LRRC38: variants seen among roughly 807,000 people sequenced by gnomAD.
LRRC38 encodes the protein leucine rich repeat containing 38.
Under a neutral mutation model 16.4 loss-of-function variants are expected in LRRC38, and 5 were observed. The observed-to-expected ratio is 0.31, with a 90% CI of 0.16 to 0.64. The LOEUF (loss-of-function observed/expected upper bound fraction) is 0.64, where lower values mean the gene tolerates loss of function less well. Among genes scored for constraint, LRRC38 ranks in the 30% least tolerant of loss-of-function variants. The probability of loss-of-function intolerance (pLI) is 0.80; values close to 1 mark genes in which losing one functional copy is unlikely to be tolerated. For synonymous variants in LRRC38, 191 were observed against 190.2 expected (o/e 1.00, Z -0.04); for missense variants, 341 against 401.8 (o/e 0.85, Z 1.29).
Position 13,513,682 on chromosome 1 carries a change from C to A in LRRC38, c.-89G>T, listed in dbSNP as rs1164981774. ...GGACGGCGCGGTGAGGCACTGGCTG[C>A]CGGGCGCGGGGAGCCAGAGGGCGGC... On this transcript the variant is annotated 5_prime_UTR_variant, in exon 1 of 2. Transcript: ENST00000376085. The A allele has an allele frequency of 1.1e-6, 1 of 924,946 alleles. No individual in the cohort carries two copies. The highest frequency in any genetic ancestry group is 1.3e-6 in the Non-Finnish European group (1 of 769,254). The allele number at this position is 924,946 out of a possible 1,614,324, so 57.3% of individuals were successfully genotyped here.
chr1:13,496,628 C>T (rs1265545147), intron 1 of LRRC38, among the ~76,000 whole-genome samples: 1 of 152,160 alleles, frequency 6.6e-6, no homozygotes, highest in Non-Finnish European at 1.5e-5. Context: ...CAGCATCCAC[C>T]CACCGAGTCA....
At chr1:13,511,292 A>G (rs1313849772) in intron 1 of LRRC38, among the ~76,000 whole-genome samples, 1 of 152,158 alleles carries the variant, frequency 6.6e-6, no homozygotes, top group Non-Finnish European at 1.5e-5. Context: ...CACTCAAGGG[A>G]AAGGTGAAGC....
chr1:13,505,252 G>A (rs893782073), intron 1 of LRRC38, among the ~76,000 whole-genome samples: 6 of 152,244 alleles, frequency 3.9e-5, no homozygotes, highest in Non-Finnish European at 5.9e-5. Flanking sequence ...CACCACTCCC[G>A]CAGCTGGGGG....
At chr1:13,505,051 T>C (rs561280981) in intron 1 of LRRC38, among the ~76,000 whole-genome samples, 16 of 152,288 alleles carry the variant, frequency 1.1e-4, no homozygotes, top group African/African-American at 3.1e-4. Flanking sequence ...GTAACCCTCC[T>C]ATTTGCTTAC....
chr1:13,483,700 C>A (rs2100493683), intron 1 of LRRC38, among the ~76,000 whole-genome samples: 1 of 152,296 alleles, frequency 6.6e-6, no homozygotes, highest in East Asian at 1.9e-4. Flanking sequence ...TGGGCCAGGC[C>A]CAGCCACCTT....
chr1:13,489,666 A>G (rs1270021665), intron 1 of LRRC38, among the ~76,000 whole-genome samples: 1 of 152,114 alleles, frequency 6.6e-6, no homozygotes, highest in Admixed American at 6.6e-5. Flanking sequence ...GAGGCAGCCG[A>G]GAAGGGACTG....
intron 1 of LRRC38, among the ~76,000 whole-genome samples, chr1:13,507,993 T>C (rs1320955968): frequency 6.6e-6 from 1 of 152,144 alleles, no homozygotes; most frequent in Non-Finnish European, 1.5e-5. Context: ...CCAGCACACT[T>C]TGGGAGGCCA....
At chr1:13,485,393 C>T (rs571044450) in intron 1 of LRRC38, among the ~76,000 whole-genome samples, 122 of 151,482 alleles carry the variant, frequency 8.1e-4, no homozygotes, top group African/African-American at 2.6e-3. Flanking sequence ...CTGGCTAACA[C>T]GGTGAAACCC....
intron 1 of LRRC38, among the ~76,000 whole-genome samples, chr1:13,507,499 G>C (rs563141587): frequency 1.1e-4 from 17 of 152,314 alleles, no homozygotes; most frequent in African/African-American, 3.8e-4. Context: ...TTGTTGTCTT[G>C]CCCATCAAAT....
In LRRC38 at chr1:13,494,018, G is replaced by T. The variant is rs370752580; in HGVS notation, c.632-17919C>A. On this transcript the variant is annotated intron_variant, in intron 1 of 1. Coordinates refer to ENST00000376085, the MANE Select transcript of LRRC38 (RefSeq NM_001010847.2). ...GCGGAGGTTGCGGTGAGCCAAGATC[G>T]CACCACTGCACTCCAGCCTGGGCAA... Among the ~76,000 whole-genome samples the T allele has an allele frequency of 6.0e-4, 91 of 152,246 alleles. 1 individual carries two copies. In the South Asian group the frequency reaches 0.018, roughly 31 times the overall value.
At chr1:13,490,054 G>A (rs1019801997) in intron 1 of LRRC38, among the ~76,000 whole-genome samples, 8 of 152,274 alleles carry the variant, frequency 5.3e-5, no homozygotes, top group East Asian at 1.9e-4. Context: ...GACATAAGTC[G>A]CACACATAAG....
chr1:13,486,615 A>G (rs399812), intron 1 of LRRC38, among the ~76,000 whole-genome samples: 13,139 of 142,384 alleles, frequency 0.092, 2,165 homozygotes, highest in African/African-American at 0.33. Flanking sequence ...TTTTGAGACA[A>G]GGTCTCACTC....
chr1:13,512,921 G>GCCCCCCACCC, intron 1 of LRRC38, 42 bp downstream of exon 1: 3 of 1,246,170 alleles, frequency 2.4e-6, no homozygotes, highest in Non-Finnish European at 3.3e-6. Context: ...GCCTCTCCCT[G>GCCCCCCACCC]CCCCCCTCCC....
At chr1:13,510,736 C>T (rs941599902) in intron 1 of LRRC38, among the ~76,000 whole-genome samples, 5 of 152,266 alleles carry the variant, frequency 3.3e-5, no homozygotes, top group East Asian at 3.9e-4. Context: ...GAGATAATCT[C>T]ATTTAAATCT....
chr1:13,492,944 G>A (rs1355047837), intron 1 of LRRC38, among the ~76,000 whole-genome samples: 1 of 150,438 alleles, frequency 6.6e-6, no homozygotes, highest in Non-Finnish European at 1.5e-5. Context: ...GACCACGTGA[G>A]TCCCGTCGCT....
intron 1 of LRRC38, among the ~76,000 whole-genome samples, chr1:13,508,680 C>T (rs1639240069): frequency 6.6e-6 from 1 of 152,188 alleles, no homozygotes; most frequent in South Asian, 2.1e-4. Flanking sequence ...TTTTTATCAT[C>T]AGGAACATAA....
chr1:13,508,863 G>C (rs1380940858), intron 1 of LRRC38, among the ~76,000 whole-genome samples: 2 of 152,184 alleles, frequency 1.3e-5, no homozygotes, highest in Non-Finnish European at 2.9e-5. Context: ...CACAGTGTCT[G>C]ACATCAGAAA....
chr1:13,497,652 T>A (rs1389873950), intron 1 of LRRC38, among the ~76,000 whole-genome samples: 2 of 151,796 alleles, frequency 1.3e-5, no homozygotes, highest in Non-Finnish European at 2.9e-5. Flanking sequence ...AAATAGCTCA[T>A]GATTAATTTT....
chr1:13,475,005 TC>T lies in LRRC38; in HGVS notation c.*840del, dbSNP rs1638770224. 6.6e-6 allele frequency: 1 copy of T among 152,186 alleles called. No individual in the cohort carries two copies. The highest frequency in any genetic ancestry group is 6.5e-5 in the Admixed American group (1 of 15,272). 9.4% of individuals were successfully genotyped at this position (152,186 alleles called of 1,614,324 possible). ...CAAACAACAGACATTTATTTATTTC[TC>T]CCAGTTCTGGAGGCTGGAAGTCTGA... On this transcript the variant is annotated 3_prime_UTR_variant, in exon 2 of 2. Coordinates refer to ENST00000376085, the MANE Select transcript of LRRC38 (RefSeq NM_001010847.2). The surrounding 1 kb of genome is among the most constrained non-coding windows in gnomAD (Gnocchi z 4.3).
Sources: gnomAD v4.1 joint callset for allele counts (sites outside exome capture counted in the v4.1 genomes callset) on GRCh38, gnomAD v4.1.1 for gene constraint, Gnocchi (gnomAD v3.1) non-coding constraint, MANE v1.5 for transcripts, NCBI Gene and HGNC (gene_info 2026-07-23, HGNC 2026-07-21) for gene names.